Variants in SEC16A observed in about 807,000 individuals in gnomAD.
SEC16A encodes protein transport protein Sec16A.
In SEC16A, 110 loss-of-function variants were observed where a neutral mutation model predicts 221.9. That is an observed-to-expected ratio of 0.50 (90% CI 0.42 to 0.58). SEC16A has a LOEUF of 0.58. SEC16A is among the 20% of genes least tolerant of loss of function. The pLI, the probability that SEC16A is intolerant of heterozygous loss-of-function variation, is 0.00. For missense variants in SEC16A, 3,165 were observed against 3,097.8 expected, an observed-to-expected ratio of 1.02 and a Z score of -0.52; for synonymous variants, 1,393 against 1,257.7, an observed-to-expected ratio of 1.11 and a Z score of -2.28.
chr9:136,441,854 A>G, intron 31 of SEC16A, 31 bp from the exon 32 acceptor site: 2 of 1,601,508 alleles, frequency 1.2e-6, no homozygotes, highest in Non-Finnish European at 1.7e-6. Flanking sequence ...TGACCTCTGC[A>G]TGCCTGCCCC....
intron 9 of SEC16A, 74 bp downstream of exon 9, chr9:136,464,346 G>A: frequency 7.1e-7 from 1 of 1,411,188 alleles, no homozygotes; most frequent in Non-Finnish European, 9.6e-7. Context: ...GACAATTGAA[G>A]ATGACAAACT....
At chr9:136,448,394 G>A in intron 23 of SEC16A, 1 of 685,798 alleles carries the variant, frequency 1.5e-6, no homozygotes, top group Non-Finnish European at 2.7e-6. Flanking sequence ...GCGATCCACA[G>A]AGACACCAGG....
chr9:136,455,516 T>C, intron 20 of SEC16A, 85 bp downstream of exon 20: 1 of 1,308,872 alleles, frequency 7.6e-7, no homozygotes, highest in Non-Finnish European at 1.0e-6. Context: ...AAAGCAGTTC[T>C]CCAGGAGGCA....
chr9:136,459,840 G>A lies in SEC16A; in HGVS notation c.5108C>T (p.Pro1703Leu), dbSNP rs899558322. The A allele has an allele frequency of 8.7e-6, 14 of 1,613,422 alleles. No homozygotes were observed. Among genetic ancestry groups the A allele is most frequent in the South Asian group, 4.4e-5 (4 of 90,986 alleles). ...GTTGGACAAGACCATGGCGAGGTGC[G>A]GCCTCCAATCTCCCCATTTCTCGTC... ...CGDEKWGDWR[P>L]HLAMVLSNLN... is the part of the protein sequence containing the mutation. Residue 1703 changes from proline to leucine, a missense_variant, in exon 15 of 32, where the codon CCG (proline) becomes CTG (leucine). Coordinates refer to ENST00000684901, the MANE Select transcript of SEC16A (RefSeq NM_014866.2). The surrounding 1 kb of genome is among the most constrained non-coding windows in gnomAD (Gnocchi z 6.1).
At position 136,459,537 on chromosome 9, in the gene SEC16A, T is replaced by C; in HGVS notation, c.5210A>G (p.Asp1737Gly). The C allele has an allele frequency of 2.5e-6, 4 of 1,601,656 alleles. No individual in the cohort carries two copies. The highest frequency in any genetic ancestry group is 3.4e-6 in the Non-Finnish European group (4 of 1,173,828). The part of the protein sequence containing the change: ...GDTLASRGLL[D>G]AAHFCYLMAQ... ...CATGAGGTAGCAGAAGTGGGCCGCA[T>C]CCAAGAGGCCCCTTGAAGCTGCGGA... is the stretch of plus-strand genomic sequence containing the variant. Residue 1737 changes from aspartate (D) to glycine (G), a missense_variant, in exon 16 of 32, where the codon GAT becomes GGT. Asp to Gly is a moderately conservative substitution (Grantham distance 94). Transcript: ENST00000684901. The surrounding 1 kb of genome is among the most constrained non-coding windows in gnomAD (Gnocchi z 6.1).
chr9:136,458,425 A>G (rs575520536), intron 17 of SEC16A, among the ~76,000 whole-genome samples: 22 of 151,790 alleles, frequency 1.4e-4, no homozygotes, highest in Non-Finnish European at 2.5e-4. Context: ...TCAGGAGATC[A>G]AGACCATCCT....
chr9:136,471,188 C>T (rs370851380), intron 4 of SEC16A, among the ~76,000 whole-genome samples: 4 of 151,758 alleles, frequency 2.6e-5, no homozygotes, highest in East Asian at 1.9e-4. Flanking sequence ...ATAGGCTGGC[C>T]GGGCGCAGTG....
At chr9:136,451,698 C>T (rs920287340) in intron 22 of SEC16A, among the ~76,000 whole-genome samples, 10 of 152,122 alleles carry the variant, frequency 6.6e-5, no homozygotes, top group Non-Finnish European at 1.2e-4. Context: ...ATGGAGATTC[C>T]GGGCTGGAAG....
chr9:136,474,552 T>C lies in SEC16A; in HGVS notation c.3064A>G (p.Ser1022Gly). ...GATTGTCTGGGATGACTGGCAACAC[T>C]TTGCTGAGAAGCGAGGCTGTCAGAA... ...SHSDSLASQQ[S>G]VASHPRQSGP... is the part of the protein sequence containing the mutation. Residue 1022 changes from serine to glycine, a missense_variant, in exon 3 of 32, where the codon AGT becomes GGT. Ser to Gly is a moderately conservative substitution (Grantham distance 56). This residue lies in a region of SEC16A where 2,030 missense variants were observed against 1,923.1 expected (regional missense o/e 1.06). Coordinates refer to ENST00000684901, the MANE Select transcript of SEC16A (RefSeq NM_014866.2). 1 of 1,612,890 alleles carries C rather than the reference T, an allele frequency of 6.2e-7. No individual in the cohort carries two copies. The highest frequency in any genetic ancestry group is 8.5e-7 in the Non-Finnish European group (1 of 1,179,826).
At chr9:136,482,654 C>T (rs1842543449) in intron 1 of SEC16A, among the ~76,000 whole-genome samples, 1 of 152,246 alleles carries the variant, frequency 6.6e-6, no homozygotes, top group South Asian at 2.1e-4. Flanking sequence ...GGGGGTCCAG[C>T]CTCCCGCCCC....
chr9:136,458,983 A>AT (rs1839104060), intron 17 of SEC16A, 151 bp downstream of exon 17: 2 of 541,590 alleles, frequency 3.7e-6, no homozygotes, highest in Admixed American at 7.3e-5. Context: ...GTTTCTTAGC[A>AT]TTTTAGATCA....
chr9:136,467,973 A>T (rs558188541), intron 5 of SEC16A, among the ~76,000 whole-genome samples: 159 of 152,328 alleles, frequency 1.0e-3, no homozygotes, highest in African/African-American at 3.4e-3. Flanking sequence ...GGGGTGGCCC[A>T]TGTCCACACC....
chr9:136,453,086 A>G (rs1231779967), intron 22 of SEC16A, among the ~76,000 whole-genome samples: 5 of 147,112 alleles, frequency 3.4e-5, no homozygotes, highest in African/African-American at 7.4e-5. Flanking sequence ...AAAAAAAAGA[A>G]AAAAAAAAGA....
chr9:136,463,236 C>A, intron 11 of SEC16A, 104 bp from the exon 12 acceptor site: 2 of 1,483,114 alleles, frequency 1.3e-6, no homozygotes, highest in Non-Finnish European at 9.1e-7. Context: ...GCCAGACCCA[C>A]AACTACCCGA....
intron 22 of SEC16A, 137 bp downstream of exon 22, chr9:136,453,291 C>T (rs1019484988): frequency 8.6e-5 from 53 of 618,576 alleles, no homozygotes; most frequent in Non-Finnish European, 1.4e-4. Context: ...TTTAGAAGCA[C>T]TTTCACTTTA....
At chr9:136,457,395 T>C in intron 18 of SEC16A, 49 bp downstream of exon 18, 7 of 1,549,280 alleles carry the variant, frequency 4.5e-6, no homozygotes, top group Non-Finnish European at 6.1e-6. Flanking sequence ...CAAGCCCTCC[T>C]TCCCTGCAGT....
intron 30 of SEC16A, 30 bp downstream of exon 30, chr9:136,445,019 CTCA>C (rs1327028444): frequency 6.3e-7 from 1 of 1,587,140 alleles, no homozygotes; most frequent in East Asian, 2.3e-5. Flanking sequence ...CACGCCAGCT[CTCA>C]TGTTAGTGAG....
In SEC16A at chr9:136,440,955, T is replaced by G. The variant is rs978839549; in HGVS notation, c.*800A>C. 2.0e-5 allele frequency: 3 copies of G among 152,370 alleles called. No individual in the cohort carries two copies. Among genetic ancestry groups the G allele is most frequent in the African/African-American group, 7.2e-5 (3 of 41,434 alleles). 9.4% of individuals were successfully genotyped at this position (152,370 alleles called of 1,614,324 possible). A position where few individuals can be genotyped will look rare whatever the true frequency, so the allele number is the denominator to read the frequency against. ...AACATCACACGGTCAGTTTTCAACC[T>G]GGATGACCACCCTGAGCCATCATGT... On this transcript the variant is annotated 3_prime_UTR_variant, in exon 32 of 32. Coordinates refer to ENST00000684901, the MANE Select transcript of SEC16A (RefSeq NM_014866.2).
At position 136,466,298 on chromosome 9, in the gene SEC16A, CTGGCCAGGCTGT is replaced by C; in HGVS notation, c.4082_4093del (p.His1361_Ser1365delinsArg). ...GTGGGAGCTGAGGCTGCTGCGGCGG[CTGGCCAGGCTGT>C]GTGCGCTGTGCAGGCTCCGTGCCGA... On this transcript the variant is annotated inframe_deletion, in exon 7 of 32. Coordinates refer to ENST00000684901, the MANE Select transcript of SEC16A (RefSeq NM_014866.2). This position sits in a 1 kb window ranked among gnomAD's most constrained non-coding sequence, Gnocchi z 5.5. 1 of 1,569,018 alleles carries C rather than the reference CTGGCCAGGCTGT, an allele frequency of 6.4e-7. No homozygotes were observed. The highest frequency in any genetic ancestry group is 8.6e-7 in the Non-Finnish European group (1 of 1,157,520).
Sources: allele counts gnomAD v4.1 joint callset (sites outside exome capture counted in the v4.1 genomes callset), GRCh38; gene constraint gnomAD v4.1.1; regional missense constraint gnomAD v4.1.1; non-coding constraint Gnocchi (gnomAD v3.1); transcripts MANE v1.5; gene names NCBI Gene and HGNC (gene_info 2026-07-23, HGNC 2026-07-21).